DLG1: variants seen among roughly 807,000 people sequenced by gnomAD.
DLG1 encodes disks large homolog 1.
A neutral mutation model predicts 123.4 loss-of-function variants in DLG1; 42 were observed. The ratio of observed to expected loss-of-function variants is 0.34; its 90% confidence interval spans 0.27 to 0.44. The LOEUF is 0.44. Among genes scored for constraint, DLG1 ranks in the 20% least tolerant of loss-of-function variants. The pLI, the probability that DLG1 is intolerant of heterozygous loss-of-function variation, is 1.00. For synonymous variants in DLG1, 317 were observed against 356.2 expected, an observed-to-expected ratio of 0.89 and a Z score of 1.24; for missense variants, 942 against 1,082.6, an observed-to-expected ratio of 0.87 and a Z score of 1.82.
intron 18 of DLG1, among the ~76,000 whole-genome samples, chr3:197,073,801 A>G (rs1277326827): frequency 1.3e-5 from 2 of 151,836 alleles, no homozygotes; most frequent in East Asian, 1.9e-4. Context: ...CAGCAGATAT[A>G]CATTTTTTTT....
In DLG1 at chr3:197,043,292, A is replaced by AG. The variant is rs1257974002; in HGVS notation, c.*1330dup. On this transcript the variant is annotated 3_prime_UTR_variant, in exon 25 of 25. Transcript: ENST00000667157. ...TTAATAAAAGGAGAACTAGAAGGAA[A>AG]GGGCAAGGACCAAAATCAAACCTGA... 1 of 152,178 alleles carries AG rather than the reference A, an allele frequency of 6.6e-6. No individual in the cohort carries two copies. Among genetic ancestry groups the AG allele is most frequent in the Non-Finnish European group, 1.5e-5 (1 of 68,022 alleles). The allele number at this position is 152,178 out of a possible 1,614,324, so 9.4% of individuals were successfully genotyped here.
chr3:197,108,112 T>C (rs539663465), intron 13 of DLG1, among the ~76,000 whole-genome samples: 7 of 152,230 alleles, frequency 4.6e-5, no homozygotes, highest in South Asian at 2.1e-4. Flanking sequence ...CTTACTTTGA[T>C]TGGTTTTTCT....
chr3:197,216,775 CA>C (rs1734327563), intron 4 of DLG1, among the ~76,000 whole-genome samples: 1 of 152,212 alleles, frequency 6.6e-6, no homozygotes, highest in South Asian at 2.1e-4. Context: ...CACTAGTCAA[CA>C]GCCAACCTTA....
chr3:197,244,669 C>CT (rs1319015384), intron 4 of DLG1, among the ~76,000 whole-genome samples: 3 of 151,138 alleles, frequency 2.0e-5, no homozygotes, highest in Admixed American at 1.3e-4. Context: ...GATGGCGATG[C>CT]TTTTTTGACT....
intron 16 of DLG1, 64 bp downstream of exon 16, chr3:197,085,516 A>C: frequency 6.4e-7 from 1 of 1,568,104 alleles, no homozygotes; most frequent in Non-Finnish European, 8.7e-7. Flanking sequence ...CAAATTAAAA[A>C]AAATTTAAAA....
chr3:197,063,523 A>G (rs1432863278), intron 22 of DLG1, among the ~76,000 whole-genome samples: 1 of 152,164 alleles, frequency 6.6e-6, no homozygotes, highest in Non-Finnish European at 1.5e-5. Flanking sequence ...TTTATACCGT[A>G]GATATTCTTT....
intron 4 of DLG1, among the ~76,000 whole-genome samples, chr3:197,245,021 G>A (rs1351509538): frequency 6.6e-6 from 1 of 152,166 alleles, no homozygotes; most frequent in East Asian, 1.9e-4. Context: ...TTCTTTCTGA[G>A]GGACAGTTCG....
chr3:197,162,873 CT>C (rs1414748026), intron 5 of DLG1, among the ~76,000 whole-genome samples: 1 of 152,060 alleles, frequency 6.6e-6, no homozygotes, highest in Non-Finnish European at 1.5e-5. Flanking sequence ...GAATTAAAAC[CT>C]TTTGTGCACC....
At chr3:197,268,232 A>C (rs1314495119) in intron 4 of DLG1, among the ~76,000 whole-genome samples, 1 of 152,214 alleles carries the variant, frequency 6.6e-6, no homozygotes. Context: ...AATGTCACAT[A>C]ATCAAAACTC....
intron 4 of DLG1, among the ~76,000 whole-genome samples, chr3:197,238,377 T>C (rs182435151): frequency 2.6e-4 from 40 of 152,162 alleles, no homozygotes; most frequent in African/African-American, 8.9e-4. Flanking sequence ...AAAAAATTAA[T>C]GAACAATTAC....
intron 4 of DLG1, among the ~76,000 whole-genome samples, chr3:197,221,058 G>A (rs1352348322): frequency 6.6e-6 from 1 of 152,142 alleles, no homozygotes; most frequent in Non-Finnish European, 1.5e-5. Context: ...AATATCTTAA[G>A]TTACCTATTA....
At chr3:197,197,750 A>G (rs979133237) in intron 4 of DLG1, among the ~76,000 whole-genome samples, 12 of 152,344 alleles carry the variant, frequency 7.9e-5, no homozygotes, top group Non-Finnish European at 1.5e-4. Context: ...TTTGAAACTT[A>G]CTACAAAGCT....
At chr3:197,168,334 C>T (rs1439767039) in intron 5 of DLG1, among the ~76,000 whole-genome samples, 1 of 152,232 alleles carries the variant, frequency 6.6e-6, no homozygotes, top group African/African-American at 2.4e-5. Context: ...ACACAATTCC[C>T]TAATCACAAC....
chr3:197,245,257 T>G (rs1251234446), intron 4 of DLG1, among the ~76,000 whole-genome samples: 1 of 152,182 alleles, frequency 6.6e-6, no homozygotes, highest in Non-Finnish European at 1.5e-5. Flanking sequence ...TGTTTTCTAT[T>G]AATCCAAACT....
At chr3:197,218,037 ATTC>A (rs1734966565) in intron 4 of DLG1, among the ~76,000 whole-genome samples, 1 of 152,194 alleles carries the variant, frequency 6.6e-6, no homozygotes, top group African/African-American at 2.4e-5. Flanking sequence ...TTACTCCTTT[ATTC>A]TTCTGTTATT....
Position 197,251,863 on chromosome 3 carries a change from T to C in DLG1, c.318+30816A>G, listed in dbSNP as rs371463172. Among the ~76,000 whole-genome samples the C allele has an allele frequency of 1.0e-3, 153 of 152,350 alleles. No homozygotes were observed. In the South Asian group the frequency reaches 0.031, roughly 31 times the overall value. ...TATTTTAAAATGGGCACATTTAAAATGGGCAAATGATCTGAACAGACATTT... is the reference window on the plus strand; with the variant it reads ...TATTTTAAAATGGGCACATTTAAAACGGGCAAATGATCTGAACAGACATTT... On this transcript the variant is annotated intron_variant, in intron 4 of 24. Transcript: ENST00000667157.
chr3:197,174,240 CTAAGT>C (rs1187828585), intron 5 of DLG1, among the ~76,000 whole-genome samples: 2 of 152,052 alleles, frequency 1.3e-5, no homozygotes, highest in Admixed American at 1.3e-4. Context: ...TTTAAGACAC[CTAAGT>C]TAACTTTTAC....
At chr3:197,047,594 T>A (rs1724228200) in intron 24 of DLG1, among the ~76,000 whole-genome samples, 2 of 138,844 alleles carry the variant, frequency 1.4e-5, no homozygotes, top group Non-Finnish European at 3.1e-5. Flanking sequence ...TGCTACCTAC[T>A]TTTTTTTTTT....
rs78635561 is a variant in DLG1, at chr3:197,096,555, T to C, written c.1547-5529A>G. Among the ~76,000 whole-genome samples, 350 of 152,360 alleles carry C rather than the reference T, an allele frequency of 2.3e-3. 9 individuals carry two copies. In the East Asian group the frequency reaches 0.052, roughly 23 times the overall value. On this transcript the variant is annotated intron_variant, in intron 14 of 24. Transcript: ENST00000667157. Reference sequence around the variant, plus strand: ...ATTTTTCTCTCCTCTACATAATGGCTTTAGGACTAAATTGATCAAGTTGTA... The same window carrying C: ...ATTTTTCTCTCCTCTACATAATGGCCTTAGGACTAAATTGATCAAGTTGTA...
Sources: gnomAD v4.1 joint callset for allele counts (sites outside exome capture counted in the v4.1 genomes callset) on GRCh38, gnomAD v4.1.1 for gene constraint, MANE v1.5 for transcripts, NCBI Gene and HGNC (gene_info 2026-07-23, HGNC 2026-07-21) for gene names.